C1QTNF7: variants seen among roughly 807,000 people sequenced by gnomAD.
The protein encoded by C1QTNF7 is complement C1q tumor necrosis factor-related protein 7.
C1QTNF7 carries 15 observed loss-of-function variants against 19.6 expected under a neutral mutation model. The observed-to-expected ratio is 0.76, with a 90% confidence interval of 0.51 to 1.18. The LOEUF (loss-of-function observed/expected upper bound fraction) is 1.18, where lower values mean the gene tolerates loss of function less well. C1QTNF7 is among the 50% of genes most tolerant of loss of function. C1QTNF7 has a pLI of 0.00. For synonymous variants in C1QTNF7, 142 were observed against 137.5 expected (o/e 1.03, Z -0.23); for missense variants, 324 against 359.7 (o/e 0.90, Z 0.80).
intron 1 of C1QTNF7, among the ~76,000 whole-genome samples, chr4:15,356,041 T>C (rs1717134128): frequency 1.3e-5 from 2 of 152,042 alleles, no homozygotes; most frequent in Non-Finnish European, 2.9e-5. Flanking sequence ...CTTACCAAGT[T>C]GCCCAGGCTT....
intron 1 of C1QTNF7, among the ~76,000 whole-genome samples, chr4:15,341,065 C>CA (rs1716520371): frequency 6.6e-6 from 1 of 152,184 alleles, no homozygotes; most frequent in Non-Finnish European, 1.5e-5. Context: ...ATTCCAGGTG[C>CA]AAAAAACTAG....
At chr4:15,392,990 A>C (rs1356680472) in intron 1 of C1QTNF7, among the ~76,000 whole-genome samples, 3 of 152,092 alleles carry the variant, frequency 2.0e-5, no homozygotes, top group Admixed American at 2.0e-4. Flanking sequence ...CCCAAATCTC[A>C]TCTTGAATTG....
At chr4:15,350,356 G>GAAGGAGGGAGGTAGGGA in intron 1 of C1QTNF7, among the ~76,000 whole-genome samples, 1 of 80,706 alleles carries the variant, frequency 1.2e-5, no homozygotes, top group Admixed American at 1.4e-4. Context: ...GGGAGGGAGG[G>GAAGGAGGGAGGTAGGGA]AGGAAGGAAA....
chr4:15,442,795 T>C lies in C1QTNF7; in HGVS notation c.866T>C (p.Leu289Ser). The change falls in exon 3 of 3, where the codon TTG (leucine) becomes TCG (serine). Residue 289 changes from leucine to serine, a missense_variant. Physicochemically the swap from Leu to Ser is moderately radical, Grantham distance 145. Coordinates refer to ENST00000444304, the MANE Select transcript of C1QTNF7 (RefSeq NM_031911.5). ...GATTCCATATCAGAAGATGATGAAT[T>C]GTGATCAGGACCAAGATCCCTGTGG... is the stretch of plus-strand genomic sequence containing the variant. ...YLDSISEDDEL is the reference protein window; with the variant it reads ...YLDSISEDDES The C allele has an allele frequency of 6.2e-7, 1 of 1,602,038 alleles. No homozygotes were observed. Among genetic ancestry groups the C allele is most frequent in the South Asian group, 1.1e-5 (1 of 89,178 alleles).
chr4:15,368,597 A>G (rs951373499), intron 1 of C1QTNF7, among the ~76,000 whole-genome samples: 6 of 152,140 alleles, frequency 3.9e-5, no homozygotes, highest in Non-Finnish European at 7.4e-5. Context: ...AGCTTCATCC[A>G]TGTCCCTACA....
At chr4:15,383,740 A>T (rs181041607) in intron 1 of C1QTNF7, among the ~76,000 whole-genome samples, 4 of 152,350 alleles carry the variant, frequency 2.6e-5, no homozygotes, top group African/African-American at 9.6e-5. Flanking sequence ...CGTCTGTAGT[A>T]TCTTTGGAAA....
At chr4:15,416,166 C>T (rs553173124) in intron 1 of C1QTNF7, among the ~76,000 whole-genome samples, 1 of 152,310 alleles carries the variant, frequency 6.6e-6, no homozygotes, top group African/African-American at 2.4e-5. Context: ...CAAGAACAAT[C>T]TATAAATGTG....
intron 1 of C1QTNF7, among the ~76,000 whole-genome samples, chr4:15,398,004 C>T (rs889543521): frequency 6.6e-6 from 1 of 152,194 alleles, no homozygotes; most frequent in African/African-American, 2.4e-5. Context: ...TAAACCAGAC[C>T]CACAAAGGAA....
At chr4:15,435,313 G>T (rs1712483826) in intron 1 of C1QTNF7, among the ~76,000 whole-genome samples, 1 of 152,102 alleles carries the variant, frequency 6.6e-6, no homozygotes, top group Non-Finnish European at 1.5e-5. Context: ...GAGACTGGAA[G>T]GATATATATA....
chr4:15,396,578 A>T (rs764688806), intron 1 of C1QTNF7, among the ~76,000 whole-genome samples: 8 of 152,110 alleles, frequency 5.3e-5, no homozygotes, highest in Non-Finnish European at 8.8e-5. Context: ...TAGGGGGCAC[A>T]TTATTTATAT....
At chr4:15,358,021 C>G (rs1479464391) in intron 1 of C1QTNF7, 2 of 152,168 alleles carry the variant, frequency 1.3e-5, no homozygotes, top group East Asian at 3.9e-4. Flanking sequence ...ACAATCATGT[C>G]ATCTGCAAAC....
intron 1 of C1QTNF7, among the ~76,000 whole-genome samples, chr4:15,366,245 T>G (rs1425009039): frequency 6.6e-6 from 1 of 152,224 alleles, no homozygotes; most frequent in Non-Finnish European, 1.5e-5. Flanking sequence ...AGTTTTAGAC[T>G]GAACTATCCC....
At chr4:15,413,578 C>G (rs554487699) in intron 1 of C1QTNF7, among the ~76,000 whole-genome samples, 3 of 152,340 alleles carry the variant, frequency 2.0e-5, no homozygotes, top group South Asian at 4.1e-4. Context: ...TCTTTAAAAA[C>G]TGATTTCTAA....
At chr4:15,399,919 T>A (rs796186232) in intron 1 of C1QTNF7, among the ~76,000 whole-genome samples, 4 of 152,316 alleles carry the variant, frequency 2.6e-5, no homozygotes, top group African/African-American at 9.6e-5. Flanking sequence ...TCCTGTGGGA[T>A]TAAAAAGACT....
intron 1 of C1QTNF7, among the ~76,000 whole-genome samples, chr4:15,340,877 T>C (rs1209156626): frequency 6.6e-6 from 1 of 152,196 alleles, no homozygotes; most frequent in African/African-American, 2.4e-5. Flanking sequence ...TTCTCGATTG[T>C]GCCTCATACA....
chr4:15,350,112 AGGCAGGC>A (rs1215983206), intron 1 of C1QTNF7, among the ~76,000 whole-genome samples: 2 of 122,252 alleles, frequency 1.6e-5, no homozygotes, highest in African/African-American at 6.2e-5. Flanking sequence ...GAAGGGAGGC[AGGCAGGC>A]AAGCAGGAAA....
chr4:15,370,252 GA>G (rs1231732328), intron 1 of C1QTNF7, among the ~76,000 whole-genome samples: 1 of 151,836 alleles, frequency 6.6e-6, no homozygotes, highest in Non-Finnish European at 1.5e-5. Context: ...AACAACTGGC[GA>G]AAAAAAGCAT....
intron 1 of C1QTNF7, chr4:15,361,243 T>C (rs1177420012): frequency 6.6e-6 from 1 of 152,058 alleles, no homozygotes; most frequent in Non-Finnish European, 1.5e-5. Flanking sequence ...TTCCCAAATT[T>C]ATACCCCTGT....
At position 15,445,297 on chromosome 4, in the gene C1QTNF7, G is replaced by A. The variant is rs1440183276; in HGVS notation, c.*2498G>A. 1 of 152,206 alleles carries A rather than the reference G, an allele frequency of 6.6e-6. No homozygotes were observed. Among genetic ancestry groups the A allele is most frequent in the Non-Finnish European group, 1.5e-5 (1 of 68,040 alleles). The allele number at this position is 152,206 out of a possible 1,614,324, so 9.4% of individuals were successfully genotyped here. A position where few individuals can be genotyped will look rare whatever the true frequency, so the allele number is the denominator to read the frequency against. On this transcript the variant is annotated 3_prime_UTR_variant, in exon 3 of 3. Transcript: ENST00000444304. ...AACAGAAGTAACTAATCCGGGAAAAGTGAACATATGGGCCCTTTAAAGACT... is the reference window on the plus strand; with the variant it reads ...AACAGAAGTAACTAATCCGGGAAAAATGAACATATGGGCCCTTTAAAGACT...
Sources: allele counts gnomAD v4.1 joint callset (sites outside exome capture counted in the v4.1 genomes callset), GRCh38; gene constraint gnomAD v4.1.1; transcripts MANE v1.5; gene names NCBI Gene and HGNC (gene_info 2026-07-23, HGNC 2026-07-21).